Variants in OR1I1 observed in about 807,000 individuals in gnomAD.
OR1I1 encodes the protein olfactory receptor family 1 subfamily I member 1, also known as olfactory receptor 1I1.
For synonymous variants in OR1I1, 171 were observed against 181.4 expected (o/e 0.94, Z 0.46); for missense variants, 451 against 443.6 (o/e 1.02, Z -0.15).
In OR1I1 at chr19:15,085,130, T is replaced by TTTTTTA. The variant is rs1253261208; in HGVS notation, c.-13-1922_-13-1921insTTTTAT. On this transcript the variant is annotated intron_variant, in intron 1 of 1. Transcript: ENST00000641398. ...TAGGTATGTTCAATGCATTTTTGAC[T>TTTTTTA]TATATATATATATATATATATATAT... is the stretch of plus-strand genomic sequence containing the variant. Among the ~76,000 whole-genome samples the TTTTTTA allele has an allele frequency of 1.1e-4, 3 of 28,540 alleles. No individual in the cohort carries two copies. In the South Asian group the frequency reaches 6.6e-3, roughly 63 times the overall value. 18.7% of individuals were successfully genotyped at this position (28,540 alleles called of 152,430 possible). A position where few individuals can be genotyped will look rare whatever the true frequency, so the allele number is the denominator to read the frequency against.
chr19:15,087,651 G>T lies in OR1I1; in HGVS notation c.586G>T (p.Glu196Ter). ...CTCCGGCTCAGACACGCACACCAACGAGCTGGTGATCTTTGCTTTTGGCAT... is the reference window on the plus strand; with the variant it reads ...CTCCGGCTCAGACACGCACACCAACTAGCTGGTGATCTTTGCTTTTGGCAT... ...KLSGSDTHTNELVIFAFGIVV... is the reference protein window; with the variant it reads ...KLSGSDTHTN The change falls in exon 2 of 2, where the codon GAG becomes TAG. Residue 196 changes from glutamate (E) to a stop codon, truncating the protein, a stop_gained. Coordinates refer to ENST00000641398, the MANE Select transcript of OR1I1 (RefSeq NM_001004713.2). LOFTEE classifies it low-confidence loss of function (END_TRUNC). 1 of 1,614,136 alleles carries T rather than the reference G, an allele frequency of 6.2e-7. No homozygotes were observed. Among genetic ancestry groups the T allele is most frequent in the East Asian group, 2.2e-5 (1 of 44,886 alleles).
Position 15,087,827 on chromosome 19 carries a change from C to T in OR1I1, c.762C>T (p.Thr254=). ...HLTVVSLSYG[T]IFAVYLQPTS... The stretch of plus-strand genomic sequence containing the variant: ...CTGTGGTGTCACTGTCCTATGGGAC[C>T]ATCTTTGCTGTGTACTTACAGCCCA... The change falls in exon 2 of 2, where the codon ACC becomes ACT. Residue 254 remains threonine (T), a synonymous_variant. Transcript: ENST00000641398. 6.2e-7 allele frequency: 1 copy of T among 1,614,192 alleles called. No individual in the cohort carries two copies. The highest frequency in any genetic ancestry group is 8.5e-7 in the Non-Finnish European group (1 of 1,180,040).
chr19:15,083,857 G>T (rs960648352), intron 1 of OR1I1, among the ~76,000 whole-genome samples: 1 of 152,130 alleles, frequency 6.6e-6, no homozygotes, highest in Non-Finnish European at 1.5e-5. Context: ...GCGTGGTGAT[G>T]CACACCTGTA....
chr19:15,084,728 A>C (rs2145301646), intron 1 of OR1I1, among the ~76,000 whole-genome samples: 1 of 152,248 alleles, frequency 6.6e-6, no homozygotes, highest in South Asian at 2.1e-4. Context: ...CTTAAAATAA[A>C]ATGATAAAAT....
In OR1I1 at chr19:15,087,519, A is replaced by G. The variant is rs1252468210; in HGVS notation, c.454A>G (p.Thr152Ala). 2 of 1,614,036 alleles carry G rather than the reference A, an allele frequency of 1.2e-6. No homozygotes were observed. The highest frequency in any genetic ancestry group is 1.7e-6 in the Non-Finnish European group (2 of 1,180,026). Residue 152 changes from threonine to alanine, a missense_variant, in exon 2 of 2, where the codon ACC becomes GCC. Physicochemically the swap from Thr to Ala is moderately conservative, Grantham distance 58 (BLOSUM62 0). Coordinates refer to ENST00000641398, the MANE Select transcript of OR1I1 (RefSeq NM_001004713.2). ...GCTGCTGGGAGCATCATGGATGATCACCAACCTCCAGTCTCTCATACACAC... is the reference window on the plus strand; with the variant it reads ...GCTGCTGGGAGCATCATGGATGATCGCCAACCTCCAGTCTCTCATACACAC... The part of the protein sequence containing the change: ...GLLLGASWMI[T>A]NLQSLIHTCL...
rs576414961 is a variant in OR1I1 at position 15,085,523 on chromosome 19, G to C, written c.-13-1530G>C. On this transcript the variant is annotated intron_variant, in intron 1 of 1. Coordinates refer to ENST00000641398, the MANE Select transcript of OR1I1 (RefSeq NM_001004713.2). Reference sequence around the variant, plus strand: ...CCCCATTATCAGCCTCAGAACATCTGTACCTATCATTTCTTGGTGGTGAGA... The same window carrying C: ...CCCCATTATCAGCCTCAGAACATCTCTACCTATCATTTCTTGGTGGTGAGA... Among the ~76,000 whole-genome samples, 90 of 151,870 alleles carry C rather than the reference G, an allele frequency of 5.9e-4. 1 individual carries two copies. Among genetic ancestry groups the C allele is most frequent in the African/African-American group, 2.1e-3 (86 of 41,434 alleles).
At chr19:15,086,589 G>T (rs2046230956) in intron 1 of OR1I1, among the ~76,000 whole-genome samples, 1 of 152,006 alleles carries the variant, frequency 6.6e-6, no homozygotes, top group South Asian at 2.1e-4. Context: ...GAGTAGCTGG[G>T]ATTGCAGGCG....
chr19:15,082,623 A>C (rs1206272064), intron 1 of OR1I1, among the ~76,000 whole-genome samples: 1 of 152,058 alleles, frequency 6.6e-6, no homozygotes, highest in Admixed American at 6.6e-5. Flanking sequence ...AGGTCTTGAG[A>C]AACAAGTTTC....
intron 1 of OR1I1, among the ~76,000 whole-genome samples, chr19:15,082,712 T>C (rs1453883235): frequency 2.7e-5 from 4 of 150,126 alleles, no homozygotes; most frequent in African/African-American, 9.8e-5. Flanking sequence ...GAAGTGCTGG[T>C]TCTTACACCA....
In OR1I1 at chr19:15,085,133, TATATATATATATA is replaced by T. The variant is rs1568321788; in HGVS notation, c.-13-1919_-13-1907del. On this transcript the variant is annotated intron_variant, in intron 1 of 1. Coordinates refer to ENST00000641398, the MANE Select transcript of OR1I1 (RefSeq NM_001004713.2). Reference sequence around the variant, plus strand: ...GTATGTTCAATGCATTTTTGACTTATATATATATATATATATATATATATATATATATATATAT... The same window carrying T: ...GTATGTTCAATGCATTTTTGACTTATTATATATATATATATATATATATAT... 1.5e-3 allele frequency among the ~76,000 whole-genome samples: 17 copies of T among 11,140 alleles called. 1 individual carries two copies. Among genetic ancestry groups the T allele is most frequent in the Admixed American group, 4.3e-3 (4 of 930 alleles). The allele number at this position is 11,140 out of a possible 152,430, so 7.3% of individuals were successfully genotyped here. A position where few individuals can be genotyped will look rare whatever the true frequency, so the allele number is the denominator to read the frequency against.
chr19:15,087,809 G>A lies in OR1I1; in HGVS notation c.744G>A (p.Val248=). The A allele has an allele frequency of 6.2e-7, 1 of 1,614,198 alleles. No homozygotes were observed. The highest frequency in any genetic ancestry group is 8.5e-7 in the Non-Finnish European group (1 of 1,180,044). ...CCTGTGGCTTACACCTCACTGTGGT[G>A]TCACTGTCCTATGGGACCATCTTTG... is the stretch of plus-strand genomic sequence containing the variant. ...FSTCGLHLTV[V]SLSYGTIFAV... The change falls in exon 2 of 2, where the codon GTG becomes GTA. Residue 248 remains valine, a synonymous_variant. Transcript: ENST00000641398.
In OR1I1 at chr19:15,087,985, A is replaced by G; in HGVS notation, c.920A>G (p.Lys307Arg). 6.2e-7 allele frequency: 1 copy of G among 1,614,186 alleles called. No homozygotes were observed. The highest frequency in any genetic ancestry group is 8.5e-7 in the Non-Finnish European group (1 of 1,180,036). Residue 307 changes from lysine to arginine, a missense_variant, in exon 2 of 2, where the codon AAA becomes AGA. Physicochemically the swap from Lys to Arg is conservative, Grantham distance 26 (BLOSUM62 2). Coordinates refer to ENST00000641398, the MANE Select transcript of OR1I1 (RefSeq NM_001004713.2). ...GCAGCCCTGGGGAAGCTCATCGGCAAAGTGGCCGTCCCCTGTCCTAGGCCA... is the reference window on the plus strand; with the variant it reads ...GCAGCCCTGGGGAAGCTCATCGGCAGAGTGGCCGTCCCCTGTCCTAGGCCA... The part of the protein sequence containing the change: ...MKAALGKLIG[K>R]VAVPCPRPEQ...
chr19:15,087,838 T>C lies in OR1I1; in HGVS notation c.773T>C (p.Val258Ala). 2 of 1,614,196 alleles carry C rather than the reference T, an allele frequency of 1.2e-6. No individual in the cohort carries two copies. The highest frequency in any genetic ancestry group is 1.3e-5 in the African/African-American group (1 of 75,054). ...CTGTCCTATGGGACCATCTTTGCTG[T>C]GTACTTACAGCCCACATCCCCCAGC... ...VSLSYGTIFA[V>A]YLQPTSPSSS... Residue 258 changes from valine (V) to alanine (A), a missense_variant, in exon 2 of 2, where the codon GTG becomes GCG. Transcript: ENST00000641398.
rs1399500004 is a variant in OR1I1, at chr19:15,088,392, T to G, written c.*259T>G. 7.5e-6 allele frequency: 3 copies of G among 402,522 alleles called. No individual in the cohort carries two copies. The highest frequency in any genetic ancestry group is 1.3e-5 in the Non-Finnish European group (3 of 223,076). 24.9% of individuals were successfully genotyped at this position (402,522 alleles called of 1,614,324 possible). On this transcript the variant is annotated 3_prime_UTR_variant, in exon 2 of 2. Transcript: ENST00000641398. ...AAGGCCAGGTGTGGAAGCTCAAGCC[T>G]GTGATCCCAGCATTTTGGGAGGCCA...
Position 15,088,392 on chromosome 19 carries a change from T to C in OR1I1, c.*259T>C. On this transcript the variant is annotated 3_prime_UTR_variant, in exon 2 of 2. Transcript: ENST00000641398. ...AAGGCCAGGTGTGGAAGCTCAAGCC[T>C]GTGATCCCAGCATTTTGGGAGGCCA... The C allele has an allele frequency of 2.5e-6, 1 of 402,640 alleles. No individual in the cohort carries two copies. The highest frequency in any genetic ancestry group is 5.1e-5 in the East Asian group (1 of 19,564). 24.9% of individuals were successfully genotyped at this position (402,640 alleles called of 1,614,324 possible).
intron 1 of OR1I1, among the ~76,000 whole-genome samples, chr19:15,082,857 T>C (rs7256401): frequency 0.63 from 95,670 of 151,064 alleles, 30,609 homozygotes; most frequent in African/African-American, 0.73. Flanking sequence ...TTGCCCAGTC[T>C]GGAGTGCAGT....
intron 1 of OR1I1, among the ~76,000 whole-genome samples, chr19:15,084,037 G>T (rs766326214): frequency 6.6e-6 from 1 of 152,260 alleles, no homozygotes; most frequent in Non-Finnish European, 1.5e-5. Flanking sequence ...TCCCTTGCAC[G>T]TGTTGACAGC....
Position 15,088,256 on chromosome 19 carries a change from A to G in OR1I1, c.*123A>G, listed in dbSNP as rs2046240147. 2 of 1,257,858 alleles carry G rather than the reference A, an allele frequency of 1.6e-6. No homozygotes were observed. Among genetic ancestry groups the G allele is most frequent in the Non-Finnish European group, 2.1e-6 (2 of 936,476 alleles). 77.9% of individuals were successfully genotyped at this position (1,257,858 alleles called of 1,614,324 possible). A position where few individuals can be genotyped will look rare whatever the true frequency, so the allele number is the denominator to read the frequency against. ...CCCCAAAAAGATCAGAATAGCAAGG[A>G]TCAAACTGGCCTGAAATTAGCCCTC... is the stretch of plus-strand genomic sequence containing the variant. On this transcript the variant is annotated 3_prime_UTR_variant, in exon 2 of 2. Coordinates refer to ENST00000641398, the MANE Select transcript of OR1I1 (RefSeq NM_001004713.2).
rs2046243003 is a variant in OR1I1 at position 15,088,773 on chromosome 19, G to GA, written c.*640_*641insA. ...TAGATAGGGTGGATAGATAAGATAT[G>GA]TAGATAGATAGATAGATAGATAGAT... is the stretch of plus-strand genomic sequence containing the variant. On this transcript the variant is annotated 3_prime_UTR_variant, in exon 2 of 2. Transcript: ENST00000641398. 1 of 147,194 alleles carries GA rather than the reference G, an allele frequency of 6.8e-6. No individual in the cohort carries two copies. The highest frequency in any genetic ancestry group is 2.6e-5 in the African/African-American group (1 of 39,054). The allele number at this position is 147,194 out of a possible 1,614,324, so 9.1% of individuals were successfully genotyped here.
Sources: gnomAD v4.1 joint callset for allele counts (sites outside exome capture counted in the v4.1 genomes callset) on GRCh38, gnomAD v4.1.1 for gene constraint, MANE v1.5 for transcripts, NCBI Gene and HGNC (gene_info 2026-07-23, HGNC 2026-07-21) for gene names.